RAD23B: variants seen among roughly 807,000 people sequenced by gnomAD.
RAD23B encodes lysine-specific demethylase RAD23B.
In RAD23B, 5 loss-of-function variants were observed where a neutral mutation model predicts 49.1. The observed-to-expected ratio is 0.10, with a 90% confidence interval of 0.05 to 0.21. The LOEUF (loss-of-function observed/expected upper bound fraction) is 0.21. RAD23B is among the 10% of genes least tolerant of loss of function. RAD23B has a pLI of 1.00. For missense variants in RAD23B, 356 were observed against 486.7 expected, an observed-to-expected ratio of 0.73 and a Z score of 2.53; for synonymous variants, 184 against 165.4, an observed-to-expected ratio of 1.11 and a Z score of -0.86.
At chr9:107,289,060 TTCCCTTCCTCCC>T (rs1313100353) in intron 1 of RAD23B, among the ~76,000 whole-genome samples, 5 of 118,032 alleles carry the variant, frequency 4.2e-5, no homozygotes, top group African/African-American at 9.5e-5. Flanking sequence ...CCCTCCCTTC[TTCCCTTCCTCCC>T]TCCCTTCCTC....
At chr9:107,320,005 T>A (rs975780796) in intron 6 of RAD23B, among the ~76,000 whole-genome samples, 1 of 152,216 alleles carries the variant, frequency 6.6e-6, no homozygotes, top group Non-Finnish European at 1.5e-5. Flanking sequence ...ACATCCACAG[T>A]TTAACCCATT....
chr9:107,315,704 G>A (rs1826979230), intron 5 of RAD23B, among the ~76,000 whole-genome samples: 1 of 151,970 alleles, frequency 6.6e-6, no homozygotes, highest in Admixed American at 6.6e-5. Flanking sequence ...AGTAGATACG[G>A]GGTTTCACCA....
chr9:107,307,023 G>C (rs1587855327), intron 4 of RAD23B, among the ~76,000 whole-genome samples: 1 of 151,940 alleles, frequency 6.6e-6, no homozygotes, highest in East Asian at 1.9e-4. Context: ...TGTATTCTTT[G>C]TGGTCATTGT....
chr9:107,326,505 G>A (rs1827205599), intron 9 of RAD23B, among the ~76,000 whole-genome samples: 1 of 150,860 alleles, frequency 6.6e-6, no homozygotes, highest in Non-Finnish European at 1.5e-5. Context: ...AAAAGAATTG[G>A]TGTGAATTTT....
chr9:107,294,725 A>C (rs1162049060), intron 1 of RAD23B, among the ~76,000 whole-genome samples: 1 of 152,214 alleles, frequency 6.6e-6, no homozygotes, highest in Non-Finnish European at 1.5e-5. Context: ...TGTTCAGTAG[A>C]GAGTTAAGTG....
rs764157337 is a variant in RAD23B, at chr9:107,311,701, C to T, written c.517C>T (p.Arg173Trp). 1.1e-5 allele frequency: 17 copies of T among 1,568,584 alleles called. No homozygotes were observed. Among genetic ancestry groups the T allele is most frequent in the African/African-American group, 4.2e-5 (3 of 71,680 alleles). ...TTGTAGTACATCGGGTGATTCTTCT[C>T]GGTCAAACCTTTTTGAAGATGCAAC... Reference protein sequence around the residue: ...ATDSTSGDSSRSNLFEDATSA... With the variant: ...ATDSTSGDSSWSNLFEDATSA... The change falls in exon 5 of 10, where the codon CGG becomes TGG. Residue 173 changes from arginine (R) to tryptophan (W), a missense_variant. By Grantham distance (101) the Arg-to-Trp change is moderately radical (BLOSUM62 -3). Transcript: ENST00000358015.
intron 1 of RAD23B, among the ~76,000 whole-genome samples, chr9:107,289,147 C>T (rs1332220487): frequency 2.2e-5 from 3 of 139,330 alleles, no homozygotes; most frequent in Admixed American, 1.5e-4. Flanking sequence ...CCTCTCCTTC[C>T]CTCCTTTCCT....
In RAD23B at chr9:107,315,827, T is replaced by G. The variant is rs568220295; in HGVS notation, c.554-2925T>G. On this transcript the variant is annotated intron_variant, in intron 5 of 9. Coordinates refer to ENST00000358015, the MANE Select transcript of RAD23B (RefSeq NM_002874.5). ...CTGTGCTGGCCTCTCTAGTTCTTTTTACAAGTCATTTGCCTTTGGACTTTT... is the reference window on the plus strand; with the variant it reads ...CTGTGCTGGCCTCTCTAGTTCTTTTGACAAGTCATTTGCCTTTGGACTTTT... Among the ~76,000 whole-genome samples the G allele has an allele frequency of 2.0e-5, 3 of 152,248 alleles. No individual in the cohort carries two copies. In the South Asian group the frequency reaches 6.2e-4, roughly 32 times the overall value.
chr9:107,302,233 C>A, intron 3 of RAD23B, 119 bp downstream of exon 3: 2 of 1,314,770 alleles, frequency 1.5e-6, no homozygotes, highest in Non-Finnish European at 2.0e-6. Context: ...CACTTAACTA[C>A]TATGAAAGGT....
intron 5 of RAD23B, among the ~76,000 whole-genome samples, chr9:107,314,470 A>G (rs941694323): frequency 1.3e-5 from 2 of 152,284 alleles, no homozygotes; most frequent in Admixed American, 6.5e-5. Flanking sequence ...TTCATTTAGG[A>G]TAGTGGCCTC....
chr9:107,296,857 C>CTTTT (rs10718657), intron 1 of RAD23B, among the ~76,000 whole-genome samples: 2 of 126,346 alleles, frequency 1.6e-5, no homozygotes, highest in Non-Finnish European at 1.7e-5. Context: ...TTTTTAATTG[C>CTTTT]TTTTTTTTTT....
intron 9 of RAD23B, among the ~76,000 whole-genome samples, chr9:107,328,157 C>T (rs1458544359): frequency 6.6e-6 from 1 of 152,084 alleles, no homozygotes; most frequent in East Asian, 1.9e-4. Flanking sequence ...TGGATAAAAC[C>T]CAGATAACAA....
chr9:107,314,977 C>G (rs7859769), intron 5 of RAD23B, among the ~76,000 whole-genome samples: 84,122 of 152,010 alleles, frequency 0.55, 23,475 homozygotes, highest in East Asian at 0.75. Context: ...TTTTTGCCCA[C>G]TTTTTAATGG....
chr9:107,320,926 C>G (rs1827097303), intron 6 of RAD23B, among the ~76,000 whole-genome samples: 1 of 152,092 alleles, frequency 6.6e-6, no homozygotes, highest in African/African-American at 2.4e-5. Flanking sequence ...TTGCTTTTGG[C>G]TTCTGGTTTA....
Position 107,303,428 on chromosome 9 carries a change from G to A in RAD23B, c.228+1314G>A, listed in dbSNP as rs184787624. 2.0e-3 allele frequency among the ~76,000 whole-genome samples: 302 copies of A among 152,204 alleles called. 1 individual carries two copies. The highest frequency in any genetic ancestry group is 7.0e-3 in the African/African-American group (292 of 41,534). On this transcript the variant is annotated intron_variant, in intron 3 of 9. Coordinates refer to ENST00000358015, the MANE Select transcript of RAD23B (RefSeq NM_002874.5). Reference sequence around the variant, plus strand: ...ATTCATTAAGAACCATGTTGATTTTGCTATACTTAAGAACTTAAGTCATTA... The same window carrying A: ...ATTCATTAAGAACCATGTTGATTTTACTATACTTAAGAACTTAAGTCATTA...
Position 107,283,606 on chromosome 9 carries a change from G to A in RAD23B, c.-24G>A, listed in dbSNP as rs752491015. 8 of 1,469,218 alleles carry A rather than the reference G, an allele frequency of 5.4e-6. No individual in the cohort carries two copies. The South Asian group carries it at 9.1e-5, about 17-fold the overall frequency. The allele number at this position is 1,469,218 out of a possible 1,614,324, so 91.0% of individuals were successfully genotyped here. On this transcript the variant is annotated 5_prime_UTR_variant, in exon 1 of 10. Coordinates refer to ENST00000358015, the MANE Select transcript of RAD23B (RefSeq NM_002874.5). ...GCGGCCAGCACCCGGCGCAGGCCCG[G>A]CAGCCGAGCTGCGCGGCGGCACCAT...
At position 107,332,170 on chromosome 9, in the gene RAD23B, T is replaced by G. The variant is rs1056055254; in HGVS notation, c.*2514T>G. 1 of 162,368 alleles carries G rather than the reference T, an allele frequency of 6.2e-6. No individual in the cohort carries two copies. The highest frequency in any genetic ancestry group is 1.3e-5 in the Non-Finnish European group (1 of 75,046). 10.1% of individuals were successfully genotyped at this position (162,368 alleles called of 1,614,324 possible). A position where few individuals can be genotyped will look rare whatever the true frequency, so the allele number is the denominator to read the frequency against. ...ATGGCTAGGATTCTAGAGAATTGAT[T>G]ATAAAATATTTTCAATACATCCAAC... On this transcript the variant is annotated 3_prime_UTR_variant, in exon 10 of 10. Transcript: ENST00000358015.
At chr9:107,310,950 A>G (rs1826877147) in intron 4 of RAD23B, among the ~76,000 whole-genome samples, 1 of 152,210 alleles carries the variant, frequency 6.6e-6, no homozygotes. Context: ...TAATTGAGAT[A>G]CAGGTCTAAG....
At chr9:107,289,455 G>A (rs759631423) in intron 1 of RAD23B, among the ~76,000 whole-genome samples, 13 of 152,044 alleles carry the variant, frequency 8.6e-5, no homozygotes, top group Non-Finnish European at 1.3e-4. Context: ...TAAAGTGCTG[G>A]GATGACAGGC....
Sources: gnomAD v4.1 joint callset for allele counts (sites outside exome capture counted in the v4.1 genomes callset) on GRCh38, gnomAD v4.1.1 for gene constraint, MANE v1.5 for transcripts, NCBI Gene and HGNC (gene_info 2026-07-23, HGNC 2026-07-21) for gene names.